Variants in AIM2 observed in about 807,000 individuals in gnomAD.
AIM2 encodes the protein absent in melanoma 2.
Under a neutral mutation model 27.7 loss-of-function variants are expected in AIM2, and 30 were observed. That is an observed-to-expected ratio of 1.08 (90% confidence interval 0.81 to 1.47). The LOEUF (loss-of-function observed/expected upper bound fraction) is 1.47. Ranked by LOEUF, AIM2 falls within the 40% of genes most tolerant of loss-of-function variation. AIM2 has a pLI of 0.00. For synonymous variants in AIM2, 141 were observed against 145.3 expected (o/e 0.97, Z 0.21); for missense variants, 358 against 411.3 (o/e 0.87, Z 1.12).
chr1:159,126,887 C>T (rs1282218884), intron 1 of AIM2, among the ~76,000 whole-genome samples: 4 of 152,160 alleles, frequency 2.6e-5, no homozygotes, highest in East Asian at 3.9e-4. Context: ...TTGTGTTATA[C>T]TCACACCATG....
chr1:159,105,012 C>T (rs1657400460), intron 1 of AIM2, among the ~76,000 whole-genome samples: 1 of 152,230 alleles, frequency 6.6e-6, no homozygotes, highest in Non-Finnish European at 1.5e-5. Flanking sequence ...CTTGCTTGGG[C>T]CTGCTGGGCT....
chr1:159,121,720 T>C (rs753306233), intron 1 of AIM2, among the ~76,000 whole-genome samples: 5 of 152,190 alleles, frequency 3.3e-5, no homozygotes, highest in Non-Finnish European at 7.3e-5. Flanking sequence ...ACTCTGCCAA[T>C]TGGAAAGTCA....
At chr1:159,128,789 T>G (rs1447612629) in intron 1 of AIM2, among the ~76,000 whole-genome samples, 1 of 152,128 alleles carries the variant, frequency 6.6e-6, no homozygotes, top group Non-Finnish European at 1.5e-5. Flanking sequence ...CAAACTACAT[T>G]TCCTAGTCAG....
chr1:159,125,928 C>T (rs1427162473), intron 1 of AIM2, among the ~76,000 whole-genome samples: 1 of 152,166 alleles, frequency 6.6e-6, no homozygotes. Context: ...CTCACAGTCA[C>T]TCCTACTGTG....
chr1:159,141,849 A>G (rs1329002250), upstream of AIM2, among the ~76,000 whole-genome samples: 1 of 151,724 alleles, frequency 6.6e-6, no homozygotes, highest in African/African-American at 2.4e-5. Context: ...TTTTCTCAAT[A>G]CTCTGGGTCC....
chr1:159,108,409 A>G (rs944666308), intron 1 of AIM2, among the ~76,000 whole-genome samples: 1 of 152,210 alleles, frequency 6.6e-6, no homozygotes, highest in African/African-American at 2.4e-5. Flanking sequence ...AACAAAAGCC[A>G]TCTATGACAA....
At chr1:159,110,989 G>A (rs554707601) in intron 1 of AIM2, among the ~76,000 whole-genome samples, 107 of 152,008 alleles carry the variant, frequency 7.0e-4, no homozygotes, top group African/African-American at 2.5e-3. Context: ...TCTAGGTGAG[G>A]GTAAAGGCAG....
intron 1 of AIM2, among the ~76,000 whole-genome samples, chr1:159,091,016 T>C (rs988312936): frequency 3.9e-5 from 6 of 152,154 alleles, no homozygotes; most frequent in African/African-American, 1.4e-4. Flanking sequence ...TTCAGTCTCT[T>C]GCTGAAATGG....
At chr1:159,071,323 G>C (rs1656353614) in intron 2 of AIM2, among the ~76,000 whole-genome samples, 1 of 152,142 alleles carries the variant, frequency 6.6e-6, no homozygotes, top group Admixed American at 6.5e-5. Flanking sequence ...ACTTAACCAA[G>C]AATGACAGAT....
intron 1 of AIM2, among the ~76,000 whole-genome samples, chr1:159,119,889 G>C (rs1570975992): frequency 6.7e-6 from 1 of 149,660 alleles, no homozygotes; most frequent in East Asian, 1.9e-4. Context: ...CACACATACA[G>C]AGAGACTTAT....
At chr1:159,116,593 A>T (rs1647356550) in intron 1 of AIM2, among the ~76,000 whole-genome samples, 1 of 152,084 alleles carries the variant, frequency 6.6e-6, no homozygotes, top group Non-Finnish European at 1.5e-5. Flanking sequence ...ACAAAAAACC[A>T]AACACCGCAT....
chr1:159,058,955 C>T (rs986474033), downstream of AIM2, among the ~76,000 whole-genome samples: 1 of 152,132 alleles, frequency 6.6e-6, no homozygotes, highest in African/African-American at 2.4e-5. Context: ...CTGTCCACTG[C>T]AAATGGCGCA....
upstream of AIM2, among the ~76,000 whole-genome samples, chr1:159,142,440 T>A (rs548304195): frequency 2.6e-5 from 4 of 152,004 alleles, no homozygotes; most frequent in East Asian, 7.7e-4. Flanking sequence ...GGAGGAAGAG[T>A]GGGTGTGTAC....
At chr1:159,104,034 T>G (rs1296728445) in intron 1 of AIM2, among the ~76,000 whole-genome samples, 1 of 151,984 alleles carries the variant, frequency 6.6e-6, no homozygotes. Flanking sequence ...AACCTACACT[T>G]TTTTTATTTT....
At chr1:159,074,441 T>A (rs1275811528) in intron 1 of AIM2, among the ~76,000 whole-genome samples, 1 of 151,324 alleles carries the variant, frequency 6.6e-6, no homozygotes, top group East Asian at 1.9e-4. Flanking sequence ...AAGACTGTCA[T>A]TTTTAATGAT....
At chr1:159,081,168 A>G (rs1258741774), upstream of AIM2, 1 of 235,378 alleles carries the variant, frequency 4.2e-6, no homozygotes, top group Non-Finnish European at 9.5e-6. Context: ...CATCAGGGCA[A>G]CAGTAATATT....
chr1:159,107,254 T>C (rs575053419), intron 1 of AIM2, among the ~76,000 whole-genome samples: 5 of 152,042 alleles, frequency 3.3e-5, no homozygotes, highest in Admixed American at 2.6e-4. Context: ...ACAGTTTAGG[T>C]AGGTTTTCAT....
At chr1:159,073,562 G>A (rs74555135) in intron 1 of AIM2, 43 bp from the exon 2 acceptor site, 97,263 of 1,515,982 alleles carry the variant, frequency 0.064, 5,982 homozygotes, top group East Asian at 0.26. Context: ...CACCAAAAGT[G>A]ATTCTACATT....
upstream of AIM2, among the ~76,000 whole-genome samples, chr1:159,140,725 C>T (rs1211294382): frequency 1.3e-5 from 2 of 152,174 alleles, no homozygotes; most frequent in Admixed American, 6.5e-5. Flanking sequence ...CAAGCTACAT[C>T]ACACAATCTG....
Sources: gnomAD v4.1 joint callset for allele counts (sites outside exome capture counted in the v4.1 genomes callset) on GRCh38, gnomAD v4.1.1 for gene constraint, MANE v1.5 for transcripts, NCBI Gene and HGNC (gene_info 2026-07-23, HGNC 2026-07-21) for gene names.